HNF4G: variants seen among roughly 807,000 people sequenced by gnomAD.
The protein encoded by HNF4G is hepatocyte nuclear factor 4 gamma.
HNF4G carries 21 observed loss-of-function variants against 50.9 expected under a neutral mutation model. The ratio of observed to expected loss-of-function variants is 0.41; its 90% CI spans 0.29 to 0.59. HNF4G has a LOEUF of 0.59. Among genes scored for constraint, HNF4G ranks in the 20% least tolerant of loss-of-function variants. The probability of loss-of-function intolerance (pLI) is 0.26; values close to 1 mark genes in which losing one functional copy is unlikely to be tolerated. For synonymous variants in HNF4G, 198 were observed against 185.6 expected (o/e 1.07, Z -0.54); for missense variants, 527 against 559.4 (o/e 0.94, Z 0.58).
intron 1 of HNF4G, among the ~76,000 whole-genome samples, chr8:75,421,304 T>A (rs1810769460): frequency 6.6e-6 from 1 of 152,198 alleles, no homozygotes; most frequent in Non-Finnish European, 1.5e-5. Context: ...GGCTACCTAG[T>A]TGGTCAGTCC....
intron 1 of HNF4G, among the ~76,000 whole-genome samples, chr8:75,411,373 T>G (rs534641615): frequency 7.2e-5 from 11 of 152,356 alleles, no homozygotes; most frequent in African/African-American, 2.4e-4. Context: ...CTTGCTGCTG[T>G]TGGATAATTT....
intron 1 of HNF4G, among the ~76,000 whole-genome samples, chr8:75,419,864 T>C (rs993885988): frequency 6.6e-6 from 1 of 152,254 alleles, no homozygotes; most frequent in Non-Finnish European, 1.5e-5. Flanking sequence ...CCTAGCTATT[T>C]AACTTCTTTG....
intron 2 of HNF4G, among the ~76,000 whole-genome samples, chr8:75,544,293 G>T: frequency 6.6e-6 from 1 of 152,048 alleles, no homozygotes; most frequent in East Asian, 1.9e-4. Context: ...TCTCCTAGAG[G>T]TAACTACCAT....
chr8:75,473,302 A>G (rs1812163656), intron 1 of HNF4G, among the ~76,000 whole-genome samples: 13 of 152,198 alleles, frequency 8.5e-5, no homozygotes, highest in Admixed American at 8.5e-4. Context: ...GTCTCAAAAA[A>G]AAAAAAAGTG....
At chr8:75,517,706 T>C (rs181045584) in intron 2 of HNF4G, among the ~76,000 whole-genome samples, 291 of 152,232 alleles carry the variant, frequency 1.9e-3, no homozygotes, top group African/African-American at 6.7e-3. Context: ...TCCTGGCTGA[T>C]TTCATGGGCT....
At chr8:75,519,741 A>G (rs1029752179) in intron 2 of HNF4G, among the ~76,000 whole-genome samples, 1 of 152,168 alleles carries the variant, frequency 6.6e-6, no homozygotes, top group Non-Finnish European at 1.5e-5. Context: ...CAAACCATAT[A>G]AATGATACAA....
chr8:75,469,001 C>T (rs150734686), intron 1 of HNF4G, among the ~76,000 whole-genome samples: 123 of 151,676 alleles, frequency 8.1e-4, no homozygotes, highest in Middle Eastern at 3.4e-3. Flanking sequence ...ATAAAACTTT[C>T]AGTGGCTTAT....
At chr8:75,553,259 T>C in intron 5 of HNF4G, 62 bp downstream of exon 5, 3 of 1,362,166 alleles carry the variant, frequency 2.2e-6, no homozygotes, top group Non-Finnish European at 3.1e-6. Context: ...TAAGTTTATG[T>C]TCTTTCCATA....
At chr8:75,546,111 A>G (rs368150171) in intron 2 of HNF4G, among the ~76,000 whole-genome samples, 2 of 152,170 alleles carry the variant, frequency 1.3e-5, no homozygotes, top group Non-Finnish European at 2.9e-5. Flanking sequence ...TATTCTTATC[A>G]TTAATCATCA....
chr8:75,529,235 G>A (rs143583360), intron 2 of HNF4G, among the ~76,000 whole-genome samples: 5 of 151,972 alleles, frequency 3.3e-5, no homozygotes, highest in Admixed American at 2.6e-4. Flanking sequence ...AGCTTGCAGT[G>A]AGCTGAGATC....
intron 1 of HNF4G, among the ~76,000 whole-genome samples, chr8:75,436,725 A>T (rs1185767196): frequency 6.6e-6 from 1 of 152,228 alleles, no homozygotes; most frequent in Non-Finnish European, 1.5e-5. Context: ...CTGTAAAGAG[A>T]CACTGAAACA....
At chr8:75,471,028 C>T (rs952932464) in intron 1 of HNF4G, among the ~76,000 whole-genome samples, 1 of 152,086 alleles carries the variant, frequency 6.6e-6, no homozygotes, top group African/African-American at 2.4e-5. Flanking sequence ...ACCTTAATAA[C>T]GTTCTAGTTT....
intron 1 of HNF4G, among the ~76,000 whole-genome samples, chr8:75,434,513 A>G (rs947866347): frequency 1.9e-4 from 29 of 152,162 alleles, no homozygotes; most frequent in Non-Finnish European, 1.6e-4. Flanking sequence ...AAACAGAACA[A>G]CAAAATAAAC....
intron 1 of HNF4G, among the ~76,000 whole-genome samples, chr8:75,476,124 G>T (rs79706072): frequency 0.05 from 7,607 of 152,068 alleles, 276 homozygotes; most frequent in African/African-American, 0.091. Flanking sequence ...GGAGTCTCCT[G>T]TGTCTATTGT....
chr8:75,410,949 T>C (rs1242406641), intron 1 of HNF4G, among the ~76,000 whole-genome samples: 7 of 152,196 alleles, frequency 4.6e-5, no homozygotes, highest in Admixed American at 3.3e-4. Flanking sequence ...GATCAGGTAA[T>C]TCTTATTGAA....
intron 2 of HNF4G, among the ~76,000 whole-genome samples, chr8:75,533,644 GAA>G (rs1374642401): frequency 6.6e-6 from 1 of 151,600 alleles, no homozygotes; most frequent in East Asian, 1.9e-4. Flanking sequence ...GTATTTTTGA[GAA>G]ACCAACCAAC....
At position 75,494,302 on chromosome 8, in the gene HNF4G, A is replaced by ACG. The variant is rs1393744372; in HGVS notation, c.-24+4095_-24+4096insGC. On this transcript the variant is annotated intron_variant, in intron 2 of 10. Transcript: ENST00000354370. Reference sequence around the variant, plus strand: ...AAAAGCTACTGCTCTCCCATACAGCACACACACACACACACACACACACAC... The same window carrying ACG: ...AAAAGCTACTGCTCTCCCATACAGCACGCACACACACACACACACACACACAC... Among the ~76,000 whole-genome samples, 33 of 13,054 alleles carry ACG rather than the reference A, an allele frequency of 2.5e-3. No individual in the cohort carries two copies. The East Asian group carries it at 0.077, about 31-fold the overall frequency. The allele number at this position is 13,054 out of a possible 152,430, so 8.6% of individuals were successfully genotyped here.
chr8:75,549,660 C>T (rs530749485), intron 3 of HNF4G, among the ~76,000 whole-genome samples: 1 of 150,914 alleles, frequency 6.6e-6, no homozygotes, highest in Non-Finnish European at 1.5e-5. Flanking sequence ...GCACAACATG[C>T]AGGCTAGTTA....
chr8:75,520,401 T>G (rs910447909), intron 2 of HNF4G, among the ~76,000 whole-genome samples: 3 of 152,012 alleles, frequency 2.0e-5, no homozygotes, highest in African/African-American at 7.2e-5. Flanking sequence ...AAATTATGAT[T>G]TTACTTTCTT....
Sources: allele counts gnomAD v4.1 joint callset (sites outside exome capture counted in the v4.1 genomes callset), GRCh38; gene constraint gnomAD v4.1.1; transcripts MANE v1.5; gene names NCBI Gene and HGNC (gene_info 2026-07-23, HGNC 2026-07-21).